Variants in ADRA1B observed in about 807,000 individuals in gnomAD.
ADRA1B encodes the protein alpha-1B adrenergic receptor.
In ADRA1B, 17 loss-of-function variants were observed where a neutral mutation model predicts 17.9. The observed-to-expected ratio is 0.95, with a 90% CI of 0.65 to 1.42. ADRA1B has a LOEUF of 1.42. Ranked by LOEUF, ADRA1B falls within the 40% of genes most tolerant of loss-of-function variation. ADRA1B has a pLI of 0.00. For synonymous variants in ADRA1B, 366 were observed against 327.6 expected, an observed-to-expected ratio of 1.12 and a Z score of -1.27; for missense variants, 681 against 722.1, an observed-to-expected ratio of 0.94 and a Z score of 0.65.
intron 1 of ADRA1B, among the ~76,000 whole-genome samples, chr5:159,872,608 T>C (rs971161736): frequency 7.2e-5 from 11 of 152,200 alleles, no homozygotes; most frequent in Admixed American, 1.3e-4. Flanking sequence ...GTCTGAATCA[T>C]AAGCCTGAGG....
At chr5:159,928,840 A>T (rs961727332) in intron 1 of ADRA1B, among the ~76,000 whole-genome samples, 1 of 152,162 alleles carries the variant, frequency 6.6e-6, no homozygotes, top group South Asian at 2.1e-4. Context: ...AGATCCAGGG[A>T]GGCAGCTGGT....
chr5:159,928,373 TC>T (rs1301296188), intron 1 of ADRA1B, among the ~76,000 whole-genome samples: 20 of 152,046 alleles, frequency 1.3e-4, no homozygotes, highest in African/African-American at 4.6e-4. Context: ...GACAGCACAC[TC>T]CTGGCCACAC....
At chr5:159,881,098 C>T (rs557199239) in intron 1 of ADRA1B, among the ~76,000 whole-genome samples, 130 of 144,282 alleles carry the variant, frequency 9.0e-4, no homozygotes, top group African/African-American at 3.2e-3. Context: ...GGCGTGAACC[C>T]AGGAAGCGGA....
rs190081018 is a variant in ADRA1B, at chr5:159,916,878, C to G, written c.-28C>G. ...CGCAGCCCTTCCGAGCCCAATCATC[C>G]CCCTGGCTATGGAGGGCGGACTCTA... On this transcript the variant is annotated 5_prime_UTR_variant, in exon 1 of 2. Transcript: ENST00000306675. 1 of 1,574,416 alleles carries G rather than the reference C, an allele frequency of 6.4e-7. No homozygotes were observed. The highest frequency in any genetic ancestry group is 8.6e-7 in the Non-Finnish European group (1 of 1,157,802).
intron 1 of ADRA1B, among the ~76,000 whole-genome samples, chr5:159,919,132 G>T (rs1227279374): frequency 4.6e-5 from 7 of 152,198 alleles, no homozygotes; most frequent in African/African-American, 1.7e-4. Flanking sequence ...ATTTTCAAAA[G>T]CCGTCTAACC....
chr5:159,930,858 C>A (rs1269671188), intron 1 of ADRA1B, among the ~76,000 whole-genome samples: 1 of 151,472 alleles, frequency 6.6e-6, no homozygotes, highest in Non-Finnish European at 1.5e-5. Flanking sequence ...TGATAGAATA[C>A]AAATTGGGTT....
intron 1 of ADRA1B, chr5:159,870,257 C>A (rs1290957828): frequency 1.3e-5 from 2 of 152,144 alleles, no homozygotes; most frequent in Non-Finnish European, 2.9e-5. Context: ...AGAGGAGTGG[C>A]CTCACGCTTG....
intron 1 of ADRA1B, among the ~76,000 whole-genome samples, chr5:159,957,653 T>G (rs1755582007): frequency 6.6e-6 from 1 of 152,040 alleles, no homozygotes; most frequent in African/African-American, 2.4e-5. Flanking sequence ...GTTAGAAATA[T>G]CATTCCTTGG....
chr5:159,988,699 C>A, the ADRA1B span, among the ~76,000 whole-genome samples: 2 of 152,132 alleles, frequency 1.3e-5, no homozygotes, highest in Non-Finnish European at 2.9e-5. Context: ...CATCTGTGGC[C>A]GGGCATGGTG....
intron 1 of ADRA1B, among the ~76,000 whole-genome samples, chr5:159,908,495 GCA>G (rs1177600394): frequency 2.0e-5 from 3 of 152,054 alleles, no homozygotes; most frequent in Non-Finnish European, 4.4e-5. Context: ...AAAGAGCCTG[GCA>G]CGTCCTCCTC....
At chr5:159,930,821 G>A (rs1561597004) in intron 1 of ADRA1B, among the ~76,000 whole-genome samples, 1 of 151,662 alleles carries the variant, frequency 6.6e-6, no homozygotes, top group Non-Finnish European at 1.5e-5. Flanking sequence ...CTCTATTTGT[G>A]ATTAAGAACA....
At chr5:159,907,349 T>C (rs896792127) in intron 1 of ADRA1B, among the ~76,000 whole-genome samples, 1 of 152,272 alleles carries the variant, frequency 6.6e-6, no homozygotes, top group South Asian at 2.1e-4. Context: ...ATATTATTTC[T>C]GCCTACCTGA....
intron 1 of ADRA1B, among the ~76,000 whole-genome samples, chr5:159,924,421 C>A (rs531852243): frequency 6.6e-6 from 1 of 152,000 alleles, no homozygotes; most frequent in African/African-American, 2.4e-5. Flanking sequence ...GACACCATGG[C>A]GGCTAGACAC....
At chr5:159,907,779 T>C (rs974557641) in intron 1 of ADRA1B, among the ~76,000 whole-genome samples, 11 of 152,160 alleles carry the variant, frequency 7.2e-5, no homozygotes, top group African/African-American at 2.7e-4. Context: ...CTTAAATAAA[T>C]AAAGTAACTT....
At chr5:159,944,472 C>T (rs1755217565) in intron 1 of ADRA1B, among the ~76,000 whole-genome samples, 1 of 152,138 alleles carries the variant, frequency 6.6e-6, no homozygotes, top group African/African-American at 2.4e-5. Flanking sequence ...AACACTTAGC[C>T]AAAGAAACAT....
chr5:159,929,784 C>G (rs555491643), intron 1 of ADRA1B, among the ~76,000 whole-genome samples: 51 of 152,112 alleles, frequency 3.4e-4, no homozygotes, highest in Non-Finnish European at 5.9e-4. Context: ...CTGTTACCTA[C>G]CCCACATTCA....
the ADRA1B span, among the ~76,000 whole-genome samples, chr5:159,988,227 G>T: frequency 6.6e-6 from 1 of 152,168 alleles, no homozygotes; most frequent in Admixed American, 6.6e-5. Flanking sequence ...AAAGGAGGCC[G>T]TGAGCCAAAG....
chr5:159,926,660 G>A (rs980877378), intron 1 of ADRA1B, among the ~76,000 whole-genome samples: 2 of 152,108 alleles, frequency 1.3e-5, no homozygotes, highest in Non-Finnish European at 2.9e-5. Flanking sequence ...GCCGAGGCGG[G>A]CGGATCACTT....
intron 1 of ADRA1B, among the ~76,000 whole-genome samples, chr5:159,919,104 T>C (rs1291583802): frequency 6.6e-6 from 1 of 151,944 alleles, no homozygotes; most frequent in Non-Finnish European, 1.5e-5. Context: ...GAGTTTCCAT[T>C]TAAAAAGAAA....
Sources: allele counts gnomAD v4.1 joint callset (sites outside exome capture counted in the v4.1 genomes callset), GRCh38; gene constraint gnomAD v4.1.1; transcripts MANE v1.5; gene names NCBI Gene and HGNC (gene_info 2026-07-23, HGNC 2026-07-21).